EPHA3: variants seen among roughly 807,000 people sequenced by gnomAD.
EPHA3 encodes the protein EPH receptor A3.
Under a neutral mutation model 107.1 loss-of-function variants are expected in EPHA3, and 42 were observed. That is an observed-to-expected ratio of 0.39 (90% CI 0.31 to 0.51). The LOEUF (loss-of-function observed/expected upper bound fraction) is 0.51. Ranked by LOEUF, EPHA3 falls within the 20% of genes least tolerant of loss-of-function variation. EPHA3 has a pLI of 0.78. For synonymous variants in EPHA3, 461 were observed against 424.8 expected (o/e 1.09, Z -1.05); for missense variants, 1,183 against 1,211.2 (o/e 0.98, Z 0.35).
chr3:89,198,137 G>C (rs187977858), intron 2 of EPHA3, among the ~76,000 whole-genome samples: 114 of 152,060 alleles, frequency 7.5e-4, no homozygotes, highest in Non-Finnish European at 1.5e-3. Flanking sequence ...CAAGTGAAAA[G>C]GAATAATAAA....
At chr3:89,351,907 G>A (rs1322710854) in intron 5 of EPHA3, among the ~76,000 whole-genome samples, 1 of 143,706 alleles carries the variant, frequency 7.0e-6, no homozygotes, top group Non-Finnish European at 1.5e-5. Context: ...GTAATTTTCT[G>A]TAAATTCAAG....
chr3:89,143,587 AT>A (rs1559750663), intron 2 of EPHA3, among the ~76,000 whole-genome samples: 1 of 151,562 alleles, frequency 6.6e-6, no homozygotes, highest in Non-Finnish European at 1.5e-5. Context: ...TTTTAAAAAA[AT>A]TCTTTTTAAA....
intron 3 of EPHA3, among the ~76,000 whole-genome samples, chr3:89,219,703 G>GTTTTTTTTTTTTTT (rs796857390): frequency 4.2e-4 from 11 of 26,232 alleles, no homozygotes; most frequent in Non-Finnish European, 5.7e-4. Context: ...TTTTTTTTTT[G>GTTTTTTTTTTTTTT]TTTTTTGTTT....
At chr3:89,391,558 G>C (rs1428987743) in intron 5 of EPHA3, among the ~76,000 whole-genome samples, 1 of 149,748 alleles carries the variant, frequency 6.7e-6, no homozygotes, top group Non-Finnish European at 1.5e-5. Flanking sequence ...CTCCCGAATA[G>C]CTGGGACTAT....
Position 89,210,137 on chromosome 3 carries a change from A to C in EPHA3, c.431A>C (p.Asp144Ala). The C allele has an allele frequency of 6.2e-7, 1 of 1,613,952 alleles. No homozygotes were observed. Among genetic ancestry groups the C allele is most frequent in the African/African-American group, 1.3e-5 (1 of 75,018 alleles). Residue 144 changes from aspartate (D) to alanine (A), a missense_variant, in exon 3 of 17, where the codon GAC (aspartate) becomes GCC (alanine). Asp to Ala is a moderately radical substitution (Grantham distance 126). Coordinates refer to ENST00000336596, the MANE Select transcript of EPHA3 (RefSeq NM_005233.6). ...KFREHQFTKIDTIAADESFTQ... is the reference protein window; with the variant it reads ...KFREHQFTKIATIAADESFTQ... ...CGAGAGCATCAGTTTACAAAGATTG[A>C]CACCATTGCAGCTGATGAAAGTTTC... is the stretch of plus-strand genomic sequence containing the variant.
intron 3 of EPHA3, among the ~76,000 whole-genome samples, chr3:89,329,978 A>G (rs1707251203): frequency 6.6e-6 from 1 of 152,010 alleles, no homozygotes; most frequent in African/African-American, 2.4e-5. Context: ...ATTTTATGTG[A>G]AAATCAAATA....
intron 2 of EPHA3, among the ~76,000 whole-genome samples, chr3:89,166,772 A>T (rs538398980): frequency 1.3e-5 from 2 of 152,328 alleles, no homozygotes; most frequent in Admixed American, 1.3e-4. Context: ...GAGAACCTAA[A>T]CAAAATGCAC....
At chr3:89,286,165 C>G (rs1298115663) in intron 3 of EPHA3, among the ~76,000 whole-genome samples, 1 of 115,104 alleles carries the variant, frequency 8.7e-6, no homozygotes, top group African/African-American at 3.3e-5. Flanking sequence ...TGTGTGTTTC[C>G]ATAAACATCA....
At chr3:89,467,701 A>G (rs941235448) in intron 15 of EPHA3, among the ~76,000 whole-genome samples, 1 of 152,226 alleles carries the variant, frequency 6.6e-6, no homozygotes, top group Non-Finnish European at 1.5e-5. Context: ...CTCTAATGCA[A>G]CAGTATAAAA....
chr3:89,338,561 T>G (rs1707443301), intron 3 of EPHA3, among the ~76,000 whole-genome samples: 2 of 152,234 alleles, frequency 1.3e-5, no homozygotes, highest in South Asian at 4.1e-4. Flanking sequence ...TATTTATTTA[T>G]TTGTTGAGAC....
intron 1 of EPHA3, among the ~76,000 whole-genome samples, chr3:89,123,885 A>G (rs995988782): frequency 1.3e-5 from 2 of 152,204 alleles, no homozygotes; most frequent in African/African-American, 4.8e-5. Flanking sequence ...TTACACACCA[A>G]AAATATTTGG....
chr3:89,356,190 T>A (rs1190313930), intron 5 of EPHA3, among the ~76,000 whole-genome samples: 1 of 150,972 alleles, frequency 6.6e-6, no homozygotes, highest in Non-Finnish European at 1.5e-5. Flanking sequence ...TGCATAGTAT[T>A]CCATGGTGTA....
In EPHA3 at chr3:89,448,089, T is replaced by A. The variant is rs1364882723; in HGVS notation, c.2347-1136T>A. 2.6e-5 allele frequency among the ~76,000 whole-genome samples: 4 copies of A among 152,142 alleles called. No individual in the cohort carries two copies. In the East Asian group the frequency reaches 5.8e-4, roughly 22 times the overall value. On this transcript the variant is annotated intron_variant, in intron 13 of 16. Transcript: ENST00000336596. ...GAGGTCACTTAATTCATAAGTGCCC[T>A]CCTCAGTCTCTCTAGTGAGAATCTT...
chr3:89,375,720 C>T (rs1460135774), intron 5 of EPHA3, among the ~76,000 whole-genome samples: 1 of 151,872 alleles, frequency 6.6e-6, no homozygotes, highest in Admixed American at 6.6e-5. Flanking sequence ...TAGCTGACAT[C>T]TTGAAATTGG....
chr3:89,395,367 A>T (rs1054114011), intron 5 of EPHA3, among the ~76,000 whole-genome samples: 7 of 152,198 alleles, frequency 4.6e-5, no homozygotes, highest in African/African-American at 1.7e-4. Context: ...TATGGATACC[A>T]TGGGACTCCT....
intron 15 of EPHA3, among the ~76,000 whole-genome samples, chr3:89,467,357 AATAATT>A (rs1457354608): frequency 6.6e-6 from 1 of 152,196 alleles, no homozygotes; most frequent in African/African-American, 2.4e-5. Flanking sequence ...ACAAATAAAA[AATAATT>A]ATAATGTTAC....
chr3:89,367,535 C>A (rs1708207937), intron 5 of EPHA3, among the ~76,000 whole-genome samples: 1 of 150,542 alleles, frequency 6.6e-6, no homozygotes, highest in South Asian at 2.1e-4. Flanking sequence ...AATCACATAA[C>A]TTAGCTCCTT....
chr3:89,309,876 C>G (rs1007149803), intron 3 of EPHA3, among the ~76,000 whole-genome samples: 4 of 151,630 alleles, frequency 2.6e-5, no homozygotes, highest in African/African-American at 4.8e-5. Flanking sequence ...TGCCACCCCC[C>G]ACCCCCCACA....
chr3:89,478,950 C>T (rs1710572452), intron 16 of EPHA3, among the ~76,000 whole-genome samples: 1 of 152,182 alleles, frequency 6.6e-6, no homozygotes, highest in South Asian at 2.1e-4. Context: ...CTCGTCTCTT[C>T]TAGTTTCTGG....
Sources: allele counts gnomAD v4.1 joint callset (sites outside exome capture counted in the v4.1 genomes callset), GRCh38; gene constraint gnomAD v4.1.1; transcripts MANE v1.5; gene names NCBI Gene and HGNC (gene_info 2026-07-23, HGNC 2026-07-21).